Variants in CCND3 observed in about 807,000 individuals in gnomAD.
CCND3 encodes the protein G1/S-specific cyclin-D3.
A neutral mutation model predicts 28.7 loss-of-function variants in CCND3; 9 were observed. The ratio of observed to expected loss-of-function variants is 0.31; its 90% confidence interval spans 0.19 to 0.55. CCND3 has a LOEUF of 0.55. CCND3 is among the 20% of genes least tolerant of loss of function. CCND3 has a pLI of 0.93. For missense variants in CCND3, 315 were observed against 385.8 expected (o/e 0.82, Z 1.54); for synonymous variants, 164 against 163.9 (o/e 1.00, Z 0.00).
At chr6:42,010,349 T>G (rs959419706) in intron 1 of CCND3, among the ~76,000 whole-genome samples, 1 of 151,598 alleles carries the variant, frequency 6.6e-6, no homozygotes, top group Non-Finnish European at 1.5e-5. Flanking sequence ...CTCTGCAGCA[T>G]GGAGGACAGA....
Position 41,936,632 on chromosome 6 carries a change from T to C in CCND3, c.638A>G (p.Gln213Arg). Reference protein sequence around the residue: ...IATGSIGAAVQGLGACSMSGD... With the variant: ...IATGSIGAAVRGLGACSMSGD... ...GGACATGGAGCAGGCACCCAGGCCT[T>C]GCACTGCAGCCCCAATGCTGCCCGT... Residue 213 changes from glutamine (Q) to arginine (R), a missense_variant, in exon 4 of 5, where the codon CAA (glutamine) becomes CGA (arginine). Gln to Arg is a conservative substitution (Grantham distance 43, BLOSUM62 1). Coordinates refer to ENST00000372991, the MANE Select transcript of CCND3 (RefSeq NM_001760.5). The surrounding 1 kb of genome is among the most constrained non-coding windows in gnomAD (Gnocchi z 4.4). 6.2e-7 allele frequency: 1 copy of C among 1,614,156 alleles called. No homozygotes were observed. The highest frequency in any genetic ancestry group is 8.5e-7 in the Non-Finnish European group (1 of 1,180,016).
At position 41,936,141 on chromosome 6, in the gene CCND3, C is replaced by A; in HGVS notation, c.712-34G>T. The A allele has an allele frequency of 6.5e-7, 1 of 1,538,264 alleles. No individual in the cohort carries two copies. The highest frequency in any genetic ancestry group is 1.8e-4 in the Middle Eastern group (1 of 5,562). On this transcript the variant is annotated intron_variant, in intron 4 of 4. Coordinates refer to ENST00000372991, the MANE Select transcript of CCND3 (RefSeq NM_001760.5). The surrounding 1 kb of genome is among the most constrained non-coding windows in gnomAD (Gnocchi z 4.4). ...ATGGGAGAAGAGTGAGGAGCAAACA[C>A]TCCCCCCATAGCATCTGGCAGCAGG...
Position 42,020,094 on chromosome 6 carries a change from A to C in CCND3, c.-46+28407T>G, listed in dbSNP as rs147870646. Among the ~76,000 whole-genome samples the C allele has an allele frequency of 8.6e-3, 1,314 of 152,132 alleles. 15 individuals carry two copies. Among genetic ancestry groups the C allele is most frequent in the Middle Eastern group, 0.027 (8 of 294 alleles). On this transcript the variant is annotated intron_variant, in intron 1 of 4. Transcript: ENST00000372988. ...GAGATCGAGACCATCCTGGCTAACA[A>C]GGTGAAATCCCGTCTCTACTAAAAA...
rs1013940623 is a variant in CCND3, at chr6:42,048,008, C to T, written c.-46+493G>A. ...GAATAACTTAATGCTCCCTTAGTAA[C>T]AGCAACCAATTTATTCAGTTATTCC... is the stretch of plus-strand genomic sequence containing the variant. On this transcript the variant is annotated intron_variant, in intron 1 of 4. Transcript: ENST00000372988. This position sits in a 1 kb window ranked among gnomAD's most constrained non-coding sequence, Gnocchi z 4.7. The T allele has an allele frequency of 4.6e-5, 7 of 153,248 alleles. No homozygotes were observed. Among genetic ancestry groups the T allele is most frequent in the African/African-American group, 1.7e-4 (7 of 41,444 alleles). 9.5% of individuals were successfully genotyped at this position (153,248 alleles called of 1,614,324 possible).
chr6:42,020,943 G>A (rs1763693439), intron 1 of CCND3, among the ~76,000 whole-genome samples: 1 of 152,112 alleles, frequency 6.6e-6, no homozygotes, highest in Non-Finnish European at 1.5e-5. Context: ...GTAGAGACAG[G>A]GTTTCTCCAT....
At position 41,941,672 on chromosome 6, in the gene CCND3, G is replaced by A; in HGVS notation, c.-23C>T. 1.5e-6 allele frequency: 2 copies of A among 1,371,168 alleles called. No individual in the cohort carries two copies. The highest frequency in any genetic ancestry group is 1.9e-6 in the Non-Finnish European group (2 of 1,062,802). 84.9% of individuals were successfully genotyped at this position (1,371,168 alleles called of 1,614,324 possible). ...CATACTCGGGCAGCGAACAGGCAGGGCGGGAGTGCGGGCTCGCGAGTCCCA... is the reference window on the plus strand; with the variant it reads ...CATACTCGGGCAGCGAACAGGCAGGACGGGAGTGCGGGCTCGCGAGTCCCA... On this transcript the variant is annotated 5_prime_UTR_variant, in exon 1 of 5. Coordinates refer to ENST00000372991, the MANE Select transcript of CCND3 (RefSeq NM_001760.5). The surrounding 1 kb of genome is among the most constrained non-coding windows in gnomAD (Gnocchi z 6.1).
upstream of CCND3, among the ~76,000 whole-genome samples, chr6:41,945,252 G>A (rs1011046077): frequency 3.3e-5 from 5 of 152,154 alleles, no homozygotes; most frequent in Non-Finnish European, 5.9e-5. Flanking sequence ...GGTGGCTCAC[G>A]CCTGTAATCC....
At chr6:41,946,654 T>A (rs1280553685), upstream of CCND3, among the ~76,000 whole-genome samples, 1 of 147,228 alleles carries the variant, frequency 6.8e-6, no homozygotes, top group East Asian at 2.0e-4. Context: ...ATAATTTAGC[T>A]TTTTTCTTTG....
At chr6:41,990,714 C>G (rs1307533210) in intron 1 of CCND3, among the ~76,000 whole-genome samples, 1 of 124,174 alleles carries the variant, frequency 8.1e-6, no homozygotes, top group Non-Finnish European at 1.6e-5. Flanking sequence ...TGCTCTGTCA[C>G]CCAGGCTGGA....
chr6:41,970,672 T>C (rs564514557), intron 1 of CCND3, among the ~76,000 whole-genome samples: 8 of 152,170 alleles, frequency 5.3e-5, no homozygotes, highest in Non-Finnish European at 1.0e-4. Context: ...CCTTCCCTCT[T>C]CACCAAAGAC....
In CCND3 at chr6:41,935,097, G is replaced by C. The variant is rs1228970100; in HGVS notation, c.*843C>G. The C allele has an allele frequency of 4.3e-6, 1 of 233,196 alleles. No homozygotes were observed. The highest frequency in any genetic ancestry group is 6.0e-5 in the East Asian group (1 of 16,610). 14.4% of individuals were successfully genotyped at this position (233,196 alleles called of 1,614,324 possible). A position where few individuals can be genotyped will look rare whatever the true frequency, so the allele number is the denominator to read the frequency against. On this transcript the variant is annotated 3_prime_UTR_variant, in exon 5 of 5. Transcript: ENST00000372991. ...CAGCCACCTCCAGGGCATCCCTGCT[G>C]CATTTTCCCTGCTGGAGGATGGGGC...
At chr6:41,973,660 C>T (rs1211839233) in intron 1 of CCND3, among the ~76,000 whole-genome samples, 1 of 152,172 alleles carries the variant, frequency 6.6e-6, no homozygotes, top group Non-Finnish European at 1.5e-5. Flanking sequence ...CTTGCTCTGC[C>T]TTAGTTGTGC....
In CCND3 at chr6:41,937,258, G is replaced by A. The variant is rs763116221; in HGVS notation, c.551C>T (p.Thr184Ile). 5.0e-6 allele frequency: 8 copies of A among 1,614,188 alleles called. No individual in the cohort carries two copies. The Admixed American group carries it at 1.0e-4, about 20-fold the overall frequency. ...RQALVKKHAQ[T>I]FLALCATDYT... ...ACCTGTAGCACAGAGGGCCAAAAAGGTCTGGGCATGCTTTTTGACCAAGGC... is the reference window on the plus strand; with the variant it reads ...ACCTGTAGCACAGAGGGCCAAAAAGATCTGGGCATGCTTTTTGACCAAGGC... The change falls in exon 3 of 5, where the codon ACC becomes ATC. Residue 184 changes from threonine (T) to isoleucine (I), a missense_variant. Coordinates refer to ENST00000372991, the MANE Select transcript of CCND3 (RefSeq NM_001760.5).
rs1775818397 is a variant in CCND3 at position 41,936,868 on chromosome 6, G to A, written c.575-173C>T. 1.5e-5 allele frequency: 10 copies of A among 654,434 alleles called. No individual in the cohort carries two copies. The South Asian group carries it at 1.8e-4, about 11-fold the overall frequency. 40.5% of individuals were successfully genotyped at this position (654,434 alleles called of 1,614,324 possible). A position where few individuals can be genotyped will look rare whatever the true frequency, so the allele number is the denominator to read the frequency against. ...CAGCAAGGGAGGAAGACAGGAAAGA[G>A]TATCTTTCCTAGAGATCAGAACCAA... On this transcript the variant is annotated intron_variant, in intron 3 of 4. Transcript: ENST00000372991. The surrounding 1 kb of genome is among the most constrained non-coding windows in gnomAD (Gnocchi z 4.4).
intron 1 of CCND3, among the ~76,000 whole-genome samples, chr6:42,046,023 C>A (rs1477599855): frequency 6.6e-6 from 1 of 152,150 alleles, no homozygotes; most frequent in Non-Finnish European, 1.5e-5. Context: ...TCCTGCTTAC[C>A]CGTTTTCTCA....
At chr6:42,029,520 A>C (rs555080075) in intron 1 of CCND3, among the ~76,000 whole-genome samples, 1 of 152,142 alleles carries the variant, frequency 6.6e-6, no homozygotes, top group South Asian at 2.1e-4. Flanking sequence ...TTAGAGACTA[A>C]GAGGGCAGTG....
intron 1 of CCND3, among the ~76,000 whole-genome samples, chr6:41,973,672 T>C (rs776001445): frequency 2.6e-5 from 4 of 152,154 alleles, no homozygotes; most frequent in East Asian, 1.9e-4. Context: ...TAGTTGTGCA[T>C]TGGAAAAATG....
At chr6:41,951,581 A>C (rs1184812126) in intron 1 of CCND3, among the ~76,000 whole-genome samples, 8 of 147,982 alleles carry the variant, frequency 5.4e-5, no homozygotes, top group Non-Finnish European at 1.2e-4. Flanking sequence ...CACACAAAAA[A>C]AAAGATTAAG....
chr6:42,017,242 C>T (rs1763549106), intron 1 of CCND3, among the ~76,000 whole-genome samples: 1 of 152,218 alleles, frequency 6.6e-6, no homozygotes, highest in African/African-American at 2.4e-5. Flanking sequence ...TAATCAGGGG[C>T]CCACAGCCTC....
Sources: gnomAD v4.1 joint callset for allele counts (sites outside exome capture counted in the v4.1 genomes callset) on GRCh38, gnomAD v4.1.1 for gene constraint, Gnocchi (gnomAD v3.1) non-coding constraint, MANE v1.5 for transcripts, NCBI Gene and HGNC (gene_info 2026-07-23, HGNC 2026-07-21) for gene names.